Variants in FAM178B observed in about 807,000 individuals in gnomAD.
FAM178B encodes family with sequence similarity 178 member B, also known as protein FAM178B.
Under a neutral mutation model 91.7 loss-of-function variants are expected in FAM178B, and 82 were observed. That is an observed-to-expected ratio of 0.89 (90% confidence interval 0.75 to 1.07). The LOEUF is 1.07. Ranked by LOEUF, FAM178B falls within the 50% of genes least tolerant of loss-of-function variation. The pLI is 0.00. For missense variants in FAM178B, 769 were observed against 846.7 expected (o/e 0.91, Z 1.14); for synonymous variants, 368 against 359.4 (o/e 1.02, Z -0.27).
chr2:96,977,821 C>T (rs1388151376), intron 1 of FAM178B: 3 of 456,124 alleles, frequency 6.6e-6, no homozygotes, highest in Non-Finnish European at 1.3e-5. Flanking sequence ...TAATACCGGC[C>T]TTTGTTCTAC....
At chr2:96,986,145 T>C (rs962509698) in intron 1 of FAM178B, 96 bp downstream of exon 1, 9 of 1,517,710 alleles carry the variant, frequency 5.9e-6, no homozygotes, top group Non-Finnish European at 7.9e-6. Flanking sequence ...GGGGCTGACC[T>C]GCAAGGCCTG....
intron 1 of FAM178B, among the ~76,000 whole-genome samples, chr2:96,972,818 A>G (rs891748659): frequency 3.3e-5 from 5 of 152,084 alleles, no homozygotes; most frequent in Admixed American, 6.5e-5. Context: ...AAATGTGAGG[A>G]TATCAATTTT....
At chr2:96,932,566 C>T (rs1049534696) in intron 8 of FAM178B, among the ~76,000 whole-genome samples, 35 of 152,282 alleles carry the variant, frequency 2.3e-4, no homozygotes, top group African/African-American at 8.4e-4. Context: ...GCTCCAGCTC[C>T]CCAACTCAGT....
chr2:96,878,944 G>A (rs1574171858), intron 14 of FAM178B, among the ~76,000 whole-genome samples: 2 of 152,298 alleles, frequency 1.3e-5, no homozygotes, highest in East Asian at 3.9e-4. Context: ...GGCAGATGGA[G>A]AGATGGGAGC....
chr2:96,899,699 A>G (rs529099511), intron 13 of FAM178B, among the ~76,000 whole-genome samples: 4 of 152,046 alleles, frequency 2.6e-5, no homozygotes, highest in Admixed American at 2.6e-4. Flanking sequence ...CACCCCAAGT[A>G]GCTGGAACTA....
intron 12 of FAM178B, 118 bp from the exon 13 acceptor site, chr2:96,902,825 C>T: frequency 2.9e-6 from 2 of 680,950 alleles, no homozygotes; most frequent in Non-Finnish European, 5.4e-6. Context: ...TGGGGTACCC[C>T]AGCAAAGGGC....
At chr2:96,906,068 T>A (rs1192036362) in intron 12 of FAM178B, among the ~76,000 whole-genome samples, 1 of 148,136 alleles carries the variant, frequency 6.8e-6, no homozygotes, top group South Asian at 2.1e-4. Flanking sequence ...ACGGGGTTTC[T>A]CCATGTTGGT....
At chr2:96,957,157 GCTT>G (rs2082011032) in intron 6 of FAM178B, among the ~76,000 whole-genome samples, 1 of 152,134 alleles carries the variant, frequency 6.6e-6, no homozygotes, top group Non-Finnish European at 1.5e-5. Flanking sequence ...CCGGCTGACT[GCTT>G]CTTAAGAGAT....
intron 14 of FAM178B, among the ~76,000 whole-genome samples, chr2:96,893,178 C>T (rs1402865447): frequency 6.6e-6 from 1 of 152,188 alleles, no homozygotes; most frequent in Non-Finnish European, 1.5e-5. Context: ...ATCCCTATCT[C>T]CATTCTTCAT....
intron 7 of FAM178B, among the ~76,000 whole-genome samples, chr2:96,949,271 C>A (rs79623596): frequency 0.03 from 4,593 of 152,236 alleles, 223 homozygotes; most frequent in African/African-American, 0.096. Flanking sequence ...CAGTCTGCCC[C>A]CCTCACCCAC....
intron 5 of FAM178B, among the ~76,000 whole-genome samples, chr2:96,962,803 T>A (rs1796032): frequency 0.79 from 119,477 of 152,130 alleles, 48,421 homozygotes; most frequent in Non-Finnish European, 0.88. Flanking sequence ...CAGGGGTCCT[T>A]TCTGTGACGG....
intron 5 of FAM178B, among the ~76,000 whole-genome samples, chr2:96,965,335 C>T (rs564445121): frequency 2.0e-5 from 3 of 152,082 alleles, no homozygotes; most frequent in South Asian, 4.2e-4. Context: ...AAATGTCATA[C>T]GTACACAGTG....
chr2:96,942,267 T>C (rs377614033), intron 8 of FAM178B, among the ~76,000 whole-genome samples: 28 of 152,218 alleles, frequency 1.8e-4, no homozygotes, highest in African/African-American at 6.5e-4. Flanking sequence ...ACTATTAAGA[T>C]AGCAATAGTA....
chr2:96,957,123 A>T (rs375958468), intron 6 of FAM178B, among the ~76,000 whole-genome samples: 39 of 152,124 alleles, frequency 2.6e-4, no homozygotes, highest in East Asian at 1.7e-3. Flanking sequence ...AAGTGCTGGG[A>T]TTATAGGCAT....
At chr2:96,893,414 CAATGTCTGGAAAGTCAATTAGG>C (rs1469808090) in intron 14 of FAM178B, among the ~76,000 whole-genome samples, 1 of 152,068 alleles carries the variant, frequency 6.6e-6, no homozygotes, top group Non-Finnish European at 1.5e-5. Context: ...GAAAGCTGGG[CAATGTCTGGAAAGTCAATTAGG>C]AAGAACTGGG....
chr2:96,934,898 C>A (rs1180486453), intron 8 of FAM178B, among the ~76,000 whole-genome samples: 3 of 152,176 alleles, frequency 2.0e-5, no homozygotes, highest in African/African-American at 4.8e-5. Flanking sequence ...TGGCTATAAC[C>A]AACTCTGCAC....
Position 96,929,281 on chromosome 2 carries a change from A to C in FAM178B, c.1118T>G (p.Val373Gly). 1 of 1,551,606 alleles carries C rather than the reference A, an allele frequency of 6.4e-7. No individual in the cohort carries two copies. Among genetic ancestry groups the C allele is most frequent in the Non-Finnish European group, 8.7e-7 (1 of 1,146,920 alleles). The change falls in exon 9 of 17, where the codon GTC becomes GGC. Residue 373 changes from valine (V) to glycine (G), a missense_variant. By Grantham distance (109) the Val-to-Gly change is moderately radical. Coordinates refer to ENST00000490605, the MANE Select transcript of FAM178B (RefSeq NM_001122646.3). ...KHLWCPSLQE[V>G]REAFHSLGAH... ...ACCCAGGCTGTGGAATGCCTCCCTG[A>C]CTTCTTGCAGTGAGGGGCACCACAG...
At chr2:96,908,060 A>C (rs2153369813) in intron 12 of FAM178B, among the ~76,000 whole-genome samples, 1 of 152,018 alleles carries the variant, frequency 6.6e-6, no homozygotes, top group South Asian at 2.1e-4. Flanking sequence ...CCTGCTCGGC[A>C]CTCCTTCCCT....
intron 8 of FAM178B, 22 bp from the exon 9 acceptor site, chr2:96,929,342 G>T: frequency 5.9e-6 from 9 of 1,518,798 alleles, no homozygotes; most frequent in East Asian, 2.5e-5. Flanking sequence ...AAAGGGAGCA[G>T]AGAGTTAGAA....
Sources: gnomAD v4.1 joint callset for allele counts (sites outside exome capture counted in the v4.1 genomes callset) on GRCh38, gnomAD v4.1.1 for gene constraint, MANE v1.5 for transcripts, NCBI Gene and HGNC (gene_info 2026-07-23, HGNC 2026-07-21) for gene names.